Variants in RYR2 observed in about 807,000 individuals in gnomAD.
RYR2 encodes ryanodine receptor 2.
In RYR2, 227 loss-of-function variants were observed where a neutral mutation model predicts 601.1. The observed-to-expected ratio is 0.38, with a 90% CI of 0.34 to 0.42. The LOEUF (loss-of-function observed/expected upper bound fraction) is 0.42, where lower values mean the gene tolerates loss of function less well. Ranked by LOEUF, RYR2 falls within the 10% of genes least tolerant of loss-of-function variation. The pLI, the probability that RYR2 is intolerant of heterozygous loss-of-function variation, is 1.00. For synonymous variants in RYR2, 2,223 were observed against 2,175.1 expected (o/e 1.02, Z -0.61); for missense variants, 4,646 against 6,156.5 (o/e 0.75, Z 8.21).
intron 1 of RYR2, among the ~76,000 whole-genome samples, chr1:237,064,344 T>C (rs1360992491): frequency 6.6e-6 from 1 of 152,286 alleles, no homozygotes; most frequent in African/African-American, 2.4e-5. Context: ...TTGGTTCTTT[T>C]TCCAGATTCA....
intron 46 of RYR2, among the ~76,000 whole-genome samples, 196 bp from the exon 47 acceptor site, chr1:237,640,701 T>A (rs1416125058): frequency 6.6e-6 from 1 of 152,252 alleles, no homozygotes; most frequent in Non-Finnish European, 1.5e-5. Context: ...GTTCTTGGTG[T>A]TAGAATCTCA....
intron 2 of RYR2, among the ~76,000 whole-genome samples, chr1:237,281,223 TATAC>T (rs775814427): frequency 6.6e-5 from 10 of 152,252 alleles, no homozygotes; most frequent in Non-Finnish European, 1.3e-4. Context: ...TACCTAATTT[TATAC>T]TAAATTAAAC....
intron 12 of RYR2, among the ~76,000 whole-genome samples, chr1:237,434,006 G>A (rs777823610): frequency 2.0e-5 from 3 of 152,150 alleles, no homozygotes; most frequent in Non-Finnish European, 4.4e-5. Context: ...ACTTTTCTAG[G>A]TCAGTTGCAA....
intron 4 of RYR2, among the ~76,000 whole-genome samples, chr1:237,358,016 A>G (rs1009725864): frequency 3.3e-5 from 5 of 152,112 alleles, no homozygotes; most frequent in African/African-American, 1.2e-4. Flanking sequence ...TGCTTTGGCC[A>G]TTAGAAGTTT....
intron 1 of RYR2, among the ~76,000 whole-genome samples, chr1:237,149,403 A>G (rs1408541424): frequency 1.3e-5 from 2 of 152,212 alleles, no homozygotes; most frequent in Non-Finnish European, 2.9e-5. Flanking sequence ...AGCTTTGAGA[A>G]GTACATGGTA....
intron 27 of RYR2, 93 bp downstream of exon 27, chr1:237,550,784 A>G: frequency 1.5e-6 from 2 of 1,299,248 alleles, no homozygotes; most frequent in South Asian, 3.3e-5. Flanking sequence ...AGTACTGGAT[A>G]GAGTCCTCTA....
chr1:237,267,270 G>A (rs1434469482), intron 1 of RYR2, among the ~76,000 whole-genome samples: 1 of 152,204 alleles, frequency 6.6e-6, no homozygotes, highest in South Asian at 2.1e-4. Context: ...TGTAATCCTG[G>A]CGCTTTGGGA....
At chr1:237,810,779 A>G (rs1171598079) in intron 100 of RYR2, among the ~76,000 whole-genome samples, 7 of 152,176 alleles carry the variant, frequency 4.6e-5, no homozygotes, top group Non-Finnish European at 1.0e-4. Flanking sequence ...AGAGAAATTC[A>G]TGTATACAGA....
chr1:237,643,036 G>A lies in RYR2; in HGVS notation c.7222-291G>A, dbSNP rs6429033. Among the ~76,000 whole-genome samples the A allele has an allele frequency of 0.35, 53,188 of 152,016 alleles. 9,629 individuals are homozygous for A. The highest frequency in any genetic ancestry group is 0.44 in the African/African-American group (18,194 of 41,442). Reference sequence around the variant, plus strand: ...CTTTCATAAACACGTCAGATTCTCAGTATATCTTAACAGTCCCCAAAAGGA... The same window carrying A: ...CTTTCATAAACACGTCAGATTCTCAATATATCTTAACAGTCCCCAAAAGGA... On this transcript the variant is annotated intron_variant, in intron 47 of 104. Transcript: ENST00000366574.
At chr1:237,137,384 A>G (rs1242889502) in intron 1 of RYR2, among the ~76,000 whole-genome samples, 3 of 152,314 alleles carry the variant, frequency 2.0e-5, no homozygotes, top group Non-Finnish European at 1.5e-5. Context: ...GGGGCATAAC[A>G]GTGCAGATGT....
chr1:237,083,010 G>A (rs1196206744), intron 1 of RYR2, among the ~76,000 whole-genome samples: 1 of 152,134 alleles, frequency 6.6e-6, no homozygotes, highest in Non-Finnish European at 1.5e-5. Context: ...CTTTATAAAT[G>A]TTTATAGTGA....
chr1:237,044,956 C>CTTT (rs4006366), intron 1 of RYR2, among the ~76,000 whole-genome samples: 272 of 144,648 alleles, frequency 1.9e-3, no homozygotes, highest in Middle Eastern at 6.9e-3. Flanking sequence ...TCTTCTTCTT[C>CTTT]TTTTTTTTTT....
At chr1:237,348,888 T>C (rs181057833) in intron 3 of RYR2, among the ~76,000 whole-genome samples, 1 of 152,150 alleles carries the variant, frequency 6.6e-6, no homozygotes, top group Non-Finnish European at 1.5e-5. Flanking sequence ...CTCAGAAGAT[T>C]AGTTTAACAG....
intron 1 of RYR2, among the ~76,000 whole-genome samples, chr1:237,215,469 C>T (rs113134236): frequency 5.9e-5 from 9 of 152,110 alleles, no homozygotes; most frequent in Non-Finnish European, 1.3e-4. Context: ...TTTTAAAAAG[C>T]ATATTTGACT....
At position 237,784,789 on chromosome 1, in the gene RYR2, C is replaced by T. The variant is rs1695413897; in HGVS notation, c.13077C>T (p.Pro4359=). The change falls in exon 90 of 105, where the codon CCC becomes CCT. Residue 4359 remains proline, a synonymous_variant. Transcript: ENST00000366574. This position sits in a 1 kb window ranked among gnomAD's most constrained non-coding sequence, Gnocchi z 7.1. ...GERKPLEAAL[P]SEDLTDLKEL... is the part of the protein sequence containing the mutation. The stretch of plus-strand genomic sequence containing the variant: ...GGAAACCCCTGGAAGCCGCCCTGCC[C>T]TCCGAGGATCTGACCGACTTAAAGG... 3 of 1,609,918 alleles carry T rather than the reference C, an allele frequency of 1.9e-6. No homozygotes were observed. The highest frequency in any genetic ancestry group is 2.5e-6 in the Non-Finnish European group (3 of 1,177,156).
intron 42 of RYR2, 25 bp downstream of exon 42, chr1:237,631,566 C>T (rs748198948): frequency 1.6e-6 from 2 of 1,248,562 alleles, no homozygotes; most frequent in African/African-American, 1.6e-5. Context: ...TCCTGAGATG[C>T]TATTTAGTAT....
At chr1:237,571,008 C>T (rs1672627263) in intron 29 of RYR2, among the ~76,000 whole-genome samples, 1 of 152,086 alleles carries the variant, frequency 6.6e-6, no homozygotes, top group South Asian at 2.1e-4. Flanking sequence ...GTTCCTGTAG[C>T]TCCAGCTGCT....
chr1:237,631,323 C>A, intron 41 of RYR2, 104 bp from the exon 42 acceptor site: 2 of 713,030 alleles, frequency 2.8e-6, no homozygotes, highest in Non-Finnish European at 2.4e-6. Context: ...ATTGCTTTTA[C>A]TTTTCAACTC....
intron 100 of RYR2, among the ~76,000 whole-genome samples, chr1:237,809,838 G>A (rs1661068334): frequency 6.6e-6 from 1 of 152,136 alleles, no homozygotes. Flanking sequence ...TGACAACTCA[G>A]TGGGACAGAG....
Sources: gnomAD v4.1 joint callset for allele counts (sites outside exome capture counted in the v4.1 genomes callset) on GRCh38, gnomAD v4.1.1 for gene constraint, Gnocchi (gnomAD v3.1) non-coding constraint, MANE v1.5 for transcripts, NCBI Gene and HGNC (gene_info 2026-07-23, HGNC 2026-07-21) for gene names.